Variants in SLC16A2 observed in about 807,000 individuals in gnomAD.
SLC16A2 encodes solute carrier family 16 member 2.
In SLC16A2, 3 loss-of-function variants were observed where a neutral mutation model predicts 27.2. The ratio of observed to expected loss-of-function variants is 0.11; its 90% CI spans 0.05 to 0.28. The LOEUF (loss-of-function observed/expected upper bound fraction) is 0.28, where lower values mean the gene tolerates loss of function less well. SLC16A2 is among the 10% of genes least tolerant of loss of function. The pLI, the probability that SLC16A2 is intolerant of heterozygous loss-of-function variation, is 1.00. For missense variants in SLC16A2, 295 were observed against 458.5 expected, an observed-to-expected ratio of 0.64 and a Z score of 3.26; for synonymous variants, 202 against 187.8, an observed-to-expected ratio of 1.08 and a Z score of -0.62.
intron 1 of SLC16A2, among the ~76,000 whole-genome samples, chrX:74,485,744 A>G (rs1380746689): frequency 9.0e-6 from 1 of 110,783 alleles, no homozygotes; most frequent in African/African-American, 3.3e-5. Context: ...GATTAGGATG[A>G]ACCCGAGCAC....
chrX:74,455,214 A>C (rs1044383894), intron 1 of SLC16A2, among the ~76,000 whole-genome samples: 1 of 111,886 alleles, frequency 8.9e-6, no homozygotes, highest in African/African-American at 3.2e-5. Context: ...TCCCTGACAC[A>C]TATAAACACT....
At chrX:74,471,291 G>C (rs1929352014) in intron 1 of SLC16A2, among the ~76,000 whole-genome samples, 1 of 111,962 alleles carries the variant, frequency 8.9e-6, no homozygotes, top group East Asian at 2.8e-4. Context: ...GCTCTGTGTT[G>C]TTACTGTTAT....
chrX:74,452,036 C>T (rs377282739), intron 1 of SLC16A2, among the ~76,000 whole-genome samples: 1 of 112,749 alleles, frequency 8.9e-6, no homozygotes, highest in East Asian at 2.8e-4. Context: ...GAGCACAATA[C>T]GAGCTAAATT....
rs746687672 is a variant in SLC16A2 at position 74,524,606 on chromosome X, C to A, written c.823C>A (p.Leu275Met). The A allele has an allele frequency of 1.7e-6, 2 of 1,211,505 alleles. No individual in the cohort carries two copies. Among genetic ancestry groups the A allele is most frequent in the South Asian group, 3.5e-5 (2 of 56,957 alleles). Residue 275 changes from leucine to methionine, a missense_variant, in exon 3 of 6, where the codon CTG (leucine) becomes ATG (methionine). Physicochemically the swap from Leu to Met is conservative, Grantham distance 15 (BLOSUM62 2). Coordinates refer to ENST00000587091, the MANE Select transcript of SLC16A2 (RefSeq NM_006517.5). Reference protein sequence around the residue: ...VLSTFMFVLMLLSLTYRPLLP... With the variant: ...VLSTFMFVLMMLSLTYRPLLP... ...GAGTACCTTCATGTTTGTTCTTATGCTGCTTTCACTCACCTACCGGCCCCT... is the reference window on the plus strand; with the variant it reads ...GAGTACCTTCATGTTTGTTCTTATGATGCTTTCACTCACCTACCGGCCCCT...
chrX:74,457,728 A>G (rs1405939946), intron 1 of SLC16A2, among the ~76,000 whole-genome samples: 1 of 110,754 alleles, frequency 9.0e-6, no homozygotes, highest in East Asian at 2.8e-4. Context: ...AGGGGCTTGT[A>G]CTGAGTATCT....
intron 1 of SLC16A2, among the ~76,000 whole-genome samples, chrX:74,432,173 G>A (rs1928546063): frequency 9.0e-6 from 1 of 111,445 alleles, no homozygotes; most frequent in South Asian, 3.8e-4. Context: ...GGTGGAGTTA[G>A]GGTGTCACTT....
intron 1 of SLC16A2, among the ~76,000 whole-genome samples, chrX:74,502,333 G>A (rs1487482551): frequency 9.0e-6 from 1 of 110,931 alleles, no homozygotes; most frequent in Non-Finnish European, 1.9e-5. Context: ...CCTCATCAGT[G>A]GCAGCTTCAG....
At chrX:74,479,641 G>A (rs1305338165) in intron 1 of SLC16A2, among the ~76,000 whole-genome samples, 2 of 111,891 alleles carry the variant, frequency 1.8e-5, no homozygotes, top group Non-Finnish European at 3.8e-5. Flanking sequence ...TTTGATGATG[G>A]TGATGTACAG....
intron 3 of SLC16A2, 115 bp downstream of exon 3, chrX:74,524,924 G>A: frequency 1.5e-6 from 1 of 667,320 alleles, no homozygotes; most frequent in South Asian, 2.3e-5. Flanking sequence ...TGGGACCTTT[G>A]GGAAAAGAAA....
chrX:74,505,659 A>G (rs1019762396), intron 1 of SLC16A2, among the ~76,000 whole-genome samples: 6 of 112,093 alleles, frequency 5.4e-5, no homozygotes, highest in African/African-American at 1.9e-4. Context: ...TCAAAGCCAT[A>G]TTAATCCTGG....
chrX:74,500,895 T>C (rs1006149398), intron 1 of SLC16A2, among the ~76,000 whole-genome samples: 5 of 110,530 alleles, frequency 4.5e-5, no homozygotes, highest in East Asian at 5.7e-4. Flanking sequence ...TTTATAAATA[T>C]TGTCCCATTC....
intron 1 of SLC16A2, among the ~76,000 whole-genome samples, chrX:74,445,811 G>A (rs1928828811): frequency 9.2e-6 from 1 of 108,861 alleles, no homozygotes; most frequent in Non-Finnish European, 1.9e-5. Flanking sequence ...GGGCAAGAGG[G>A]GCCAAGTGGT....
chrX:74,475,680 G>A (rs1249603685), intron 1 of SLC16A2, among the ~76,000 whole-genome samples: 1 of 111,959 alleles, frequency 8.9e-6, no homozygotes, highest in African/African-American at 3.2e-5. Flanking sequence ...AAGGGATCCA[G>A]TTTCAGCTTT....
At position 74,495,068 on chromosome X, in the gene SLC16A2, G is replaced by A. The variant is rs776950579; in HGVS notation, c.431-25922G>A. Among the ~76,000 whole-genome samples the A allele has an allele frequency of 9.0e-5, 10 of 111,630 alleles. No individual in the cohort carries two copies. The South Asian group carries it at 1.5e-3, about 17-fold the overall frequency. ...CAGGTGACTGCCCTTGGGTGCATGT[G>A]CCTCAGTCTCCCCCTCACCCAGAAG... On this transcript the variant is annotated intron_variant, in intron 1 of 5. Transcript: ENST00000587091.
Position 74,532,011 on chromosome X carries a change from G to A in SLC16A2, c.*458G>A, listed in dbSNP as rs1295843723. 3 of 179,670 alleles carry A rather than the reference G, an allele frequency of 1.7e-5. No homozygotes were observed. The highest frequency in any genetic ancestry group is 8.9e-5 in the African/African-American group (3 of 33,763). 14.8% of individuals were successfully genotyped at this position (179,670 alleles called of 1,213,427 possible). A position where few individuals can be genotyped will look rare whatever the true frequency, so the allele number is the denominator to read the frequency against. ...GGGAGCCACTGGGTGGAGGGGCAGG[G>A]AGGCAAAATGAGACAAGTAGCCTTG... On this transcript the variant is annotated 3_prime_UTR_variant, in exon 6 of 6. Transcript: ENST00000587091.
chrX:74,517,787 C>A (rs912880035), intron 1 of SLC16A2, among the ~76,000 whole-genome samples: 3 of 111,880 alleles, frequency 2.7e-5, no homozygotes, highest in Admixed American at 9.5e-5. Flanking sequence ...TCATGTCCCT[C>A]TGTAGTCAAT....
intron 1 of SLC16A2, among the ~76,000 whole-genome samples, chrX:74,429,743 T>C (rs1928500553): frequency 8.9e-6 from 1 of 112,078 alleles, no homozygotes; most frequent in Non-Finnish European, 1.9e-5. Flanking sequence ...CCAAGCCGGT[T>C]AGCACAGTTA....
intron 1 of SLC16A2, among the ~76,000 whole-genome samples, chrX:74,492,077 A>G (rs1356417398): frequency 8.9e-6 from 1 of 112,123 alleles, no homozygotes; most frequent in African/African-American, 3.2e-5. Flanking sequence ...AAATGTGCCT[A>G]TCCTAGCGAC....
At chrX:74,432,411 G>A (rs976309489) in intron 1 of SLC16A2, among the ~76,000 whole-genome samples, 6 of 111,608 alleles carry the variant, frequency 5.4e-5, no homozygotes, top group African/African-American at 2.0e-4. Flanking sequence ...GATTGCCAAA[G>A]CGGTTTTGAT....
Sources: allele counts gnomAD v4.1 joint callset (sites outside exome capture counted in the v4.1 genomes callset), GRCh38; gene constraint gnomAD v4.1.1; transcripts MANE v1.5; gene names NCBI Gene and HGNC (gene_info 2026-07-23, HGNC 2026-07-21).